Variants in NEO1 observed in about 807,000 individuals in gnomAD.
The protein encoded by NEO1 is neogenin.
NEO1 carries 63 observed loss-of-function variants against 159.7 expected under a neutral mutation model. The ratio of observed to expected loss-of-function variants is 0.39; its 90% CI spans 0.32 to 0.49. The LOEUF (loss-of-function observed/expected upper bound fraction) is 0.49, where lower values mean the gene tolerates loss of function less well. NEO1 is among the 20% of genes least tolerant of loss of function. The probability of loss-of-function intolerance (pLI) is 0.85; values close to 1 mark genes in which losing one functional copy is unlikely to be tolerated. For missense variants in NEO1, 1,615 were observed against 1,831.0 expected, an observed-to-expected ratio of 0.88 and a Z score of 2.15; for synonymous variants, 633 against 662.0, an observed-to-expected ratio of 0.96 and a Z score of 0.67.
intron 15 of NEO1, among the ~76,000 whole-genome samples, chr15:73,262,247 T>A (rs1472692216): frequency 6.6e-6 from 1 of 152,192 alleles, no homozygotes; most frequent in Non-Finnish European, 1.5e-5. Flanking sequence ...TCATAAAATT[T>A]AAAAATTGAT....
chr15:73,107,916 T>C (rs754583237), intron 1 of NEO1, among the ~76,000 whole-genome samples: 1 of 152,196 alleles, frequency 6.6e-6, no homozygotes, highest in Non-Finnish European at 1.5e-5. Context: ...GTGCAGTGGC[T>C]CATGCCTGCA....
At chr15:73,301,530 G>C (rs762440339) in intron 28 of NEO1, 73 bp downstream of exon 28, 3 of 1,600,708 alleles carry the variant, frequency 1.9e-6, no homozygotes, top group Non-Finnish European at 2.6e-6. Context: ...TGCTGGTCAA[G>C]CTGATAATCT....
intron 25 of NEO1, among the ~76,000 whole-genome samples, chr15:73,292,651 G>A (rs539308447): frequency 2.6e-5 from 4 of 152,296 alleles, no homozygotes; most frequent in African/African-American, 9.6e-5. Context: ...GCAGTTAATT[G>A]AATCCTTAGC....
At chr15:73,054,796 A>G (rs1053810414) in intron 1 of NEO1, among the ~76,000 whole-genome samples, 1 of 152,216 alleles carries the variant, frequency 6.6e-6, no homozygotes, top group Non-Finnish European at 1.5e-5. Context: ...CTGCCATAAA[A>G]CTGCGGAAGA....
intron 19 of NEO1, 136 bp from the exon 20 acceptor site, chr15:73,273,675 T>A: frequency 1.5e-6 from 1 of 659,000 alleles, no homozygotes; most frequent in South Asian, 2.3e-5. Context: ...ATTATTTTAA[T>A]TGTAGACCCT....
chr15:73,231,331 TA>T (rs1273624891), intron 7 of NEO1, among the ~76,000 whole-genome samples: 1 of 152,132 alleles, frequency 6.6e-6, no homozygotes, highest in African/African-American at 2.4e-5. Context: ...CAATACATTT[TA>T]AAAGACCAAA....
intron 7 of NEO1, among the ~76,000 whole-genome samples, chr15:73,200,791 C>G (rs2036837965): frequency 6.6e-6 from 1 of 151,060 alleles, no homozygotes; most frequent in African/African-American, 2.4e-5. Context: ...TCAGGTGATC[C>G]TCCTGCCTCA....
chr15:73,225,755 C>A (rs2038547457), intron 7 of NEO1, among the ~76,000 whole-genome samples: 2 of 152,192 alleles, frequency 1.3e-5, no homozygotes. Flanking sequence ...TCTTCCCCAG[C>A]CTGTGGAGTC....
chr15:73,090,944 A>G (rs2069655850), intron 1 of NEO1, among the ~76,000 whole-genome samples: 1 of 152,170 alleles, frequency 6.6e-6, no homozygotes. Flanking sequence ...AATCCTCCCA[A>G]TTGCGTTATT....
At chr15:73,057,636 T>C (rs1203431208) in intron 1 of NEO1, among the ~76,000 whole-genome samples, 1 of 152,164 alleles carries the variant, frequency 6.6e-6, no homozygotes, top group Non-Finnish European at 1.5e-5. Flanking sequence ...TTTGGATTCA[T>C]TTAGAATGAA....
intron 1 of NEO1, among the ~76,000 whole-genome samples, chr15:73,104,379 T>G (rs2151529603): frequency 6.6e-6 from 1 of 152,346 alleles, no homozygotes; most frequent in Non-Finnish European, 1.5e-5. Flanking sequence ...TTATGTAGTT[T>G]CCCTGAACAG....
intron 7 of NEO1, among the ~76,000 whole-genome samples, chr15:73,182,620 T>C (rs527619305): frequency 2.9e-4 from 44 of 152,122 alleles, no homozygotes; most frequent in Middle Eastern, 6.8e-3. Context: ...AAAAGGCACA[T>C]GTTACATGGT....
intron 1 of NEO1, among the ~76,000 whole-genome samples, chr15:73,061,708 C>T (rs1165530982): frequency 2.0e-5 from 3 of 152,082 alleles, no homozygotes; most frequent in African/African-American, 7.2e-5. Context: ...ACCCTTCTTC[C>T]CAGAGTAATC....
rs1596530140 is a variant in NEO1, at chr15:73,266,507, A to G, written c.2494+96A>G. On this transcript the variant is annotated intron_variant, in intron 16 of 28. Transcript: ENST00000261908. Reference sequence around the variant, plus strand: ...CTATCCCATAGGTGTTAGGGAAGAAAAAGCATATGGCAGTTTCGGGTGCTG... The same window carrying G: ...CTATCCCATAGGTGTTAGGGAAGAAGAAGCATATGGCAGTTTCGGGTGCTG... The G allele has an allele frequency of 4.8e-6, 4 of 835,762 alleles. No homozygotes were observed. The East Asian group carries it at 1.1e-4, about 23-fold the overall frequency. The allele number at this position is 835,762 out of a possible 1,614,324, so 51.8% of individuals were successfully genotyped here.
At chr15:73,259,502 C>T (rs184902546) in intron 14 of NEO1, among the ~76,000 whole-genome samples, 24 of 151,732 alleles carry the variant, frequency 1.6e-4, no homozygotes, top group South Asian at 6.3e-4. Flanking sequence ...GCTGGGACCA[C>T]GGGTGTGTGC....
At chr15:73,259,588 A>G (rs1287311935) in intron 14 of NEO1, among the ~76,000 whole-genome samples, 2 of 152,016 alleles carry the variant, frequency 1.3e-5, no homozygotes, top group East Asian at 1.9e-4. Context: ...TCCTGGGCTC[A>G]GGTGATTCTT....
chr15:73,107,856 C>G (rs1169301111), intron 1 of NEO1, among the ~76,000 whole-genome samples: 1 of 152,186 alleles, frequency 6.6e-6, no homozygotes, highest in Non-Finnish European at 1.5e-5. Flanking sequence ...TTAGGAGAAT[C>G]TTCTGGCCAC....
In NEO1 at chr15:73,089,599, A is replaced by G. The variant is rs531565668; in HGVS notation, c.131-26941A>G. On this transcript the variant is annotated intron_variant, in intron 1 of 28. Transcript: ENST00000261908. ...GGAAGTACAAGTTAAAACAACTTAC[A>G]CCATTTTTTTTTTTTTTGCTCCTTA... 4.6e-5 allele frequency among the ~76,000 whole-genome samples: 7 copies of G among 151,016 alleles called. No individual in the cohort carries two copies. The South Asian group carries it at 1.5e-3, about 32-fold the overall frequency.
intron 1 of NEO1, among the ~76,000 whole-genome samples, chr15:73,076,908 A>T (rs1162226638): frequency 6.6e-6 from 1 of 152,042 alleles, no homozygotes; most frequent in Admixed American, 6.5e-5. Context: ...CTCTCCAGGG[A>T]TTATTGTAGG....
Sources: allele counts gnomAD v4.1 joint callset (sites outside exome capture counted in the v4.1 genomes callset), GRCh38; gene constraint gnomAD v4.1.1; transcripts MANE v1.5; gene names NCBI Gene and HGNC (gene_info 2026-07-23, HGNC 2026-07-21).